The following ZHX2 variants were observed in gnomAD, a reference collection of about 807,000 sequenced individuals.
ZHX2 encodes the protein zinc fingers and homeoboxes protein 2.
ZHX2 carries 6 observed loss-of-function variants against 21.9 expected under a neutral mutation model. The observed-to-expected ratio is 0.27, with a 90% CI of 0.15 to 0.54. The LOEUF is 0.54. ZHX2 is among the 20% of genes least tolerant of loss of function. The probability of loss-of-function intolerance (pLI) is 0.95; values close to 1 mark genes in which losing one functional copy is unlikely to be tolerated. For missense variants in ZHX2, 908 were observed against 1,090.7 expected, an observed-to-expected ratio of 0.83 and a Z score of 2.36; for synonymous variants, 434 against 437.1, an observed-to-expected ratio of 0.99 and a Z score of 0.09.
chr8:122,829,187 A>G lies in ZHX2; in HGVS notation c.-282-34290A>G, dbSNP rs377052677. ...GATGGACAGATCAAGCAGCTTGCCT[A>G]AAGCCACACCGCTGGTAAATGGCTG... On this transcript the variant is annotated intron_variant, in intron 1 of 3. Transcript: ENST00000314393. Among the ~76,000 whole-genome samples, 8 of 152,366 alleles carry G rather than the reference A, an allele frequency of 5.3e-5. No homozygotes were observed. In the East Asian group the frequency reaches 1.3e-3, roughly 26 times the overall value.
intron 1 of ZHX2, among the ~76,000 whole-genome samples, chr8:122,848,647 GAGGAT>G (rs1175202598): frequency 6.6e-6 from 1 of 152,152 alleles, no homozygotes; most frequent in Non-Finnish European, 1.5e-5. Flanking sequence ...GGGGGTCAGG[GAGGAT>G]GTTTTGCCTG....
intron 2 of ZHX2, among the ~76,000 whole-genome samples, chr8:122,920,989 T>C (rs4871325): frequency 0.014 from 2,176 of 152,300 alleles, 51 homozygotes; most frequent in Admixed American, 0.057. Flanking sequence ...CGGTTTCAGA[T>C]TGAGTTTCCT....
At chr8:122,798,436 A>AT (rs1019280367) in intron 1 of ZHX2, among the ~76,000 whole-genome samples, 9 of 152,104 alleles carry the variant, frequency 5.9e-5, no homozygotes, top group Admixed American at 5.9e-4. Flanking sequence ...CTGCCAGGGA[A>AT]TGGTGGTGCG....
At chr8:122,830,504 G>A (rs1477477028) in intron 1 of ZHX2, among the ~76,000 whole-genome samples, 1 of 152,168 alleles carries the variant, frequency 6.6e-6, no homozygotes, top group Non-Finnish European at 1.5e-5. Context: ...CTTCAGGCGG[G>A]ACATAGGGGG....
chr8:122,847,449 C>T lies in ZHX2; in HGVS notation c.-282-16028C>T, dbSNP rs151302381. ...TCTCCAATTGGGAGCACCCCGGGCC[C>T]TGATGACAGGCACGTCATGTCATTG... On this transcript the variant is annotated intron_variant, in intron 1 of 3. Transcript: ENST00000314393. Among the ~76,000 whole-genome samples, 555 of 152,332 alleles carry T rather than the reference C, an allele frequency of 3.6e-3. 1 individual carries two copies. Among genetic ancestry groups the T allele is most frequent in the Non-Finnish European group, 6.3e-3 (428 of 68,026 alleles).
chr8:122,842,103 C>T (rs550127711), intron 1 of ZHX2, among the ~76,000 whole-genome samples: 25 of 152,338 alleles, frequency 1.6e-4, no homozygotes, highest in African/African-American at 5.5e-4. Flanking sequence ...GAAGCGAGAC[C>T]TATAGCTCAA....
chr8:122,971,444 T>C (rs1813717511), intron 3 of ZHX2, among the ~76,000 whole-genome samples: 1 of 151,786 alleles, frequency 6.6e-6, no homozygotes, highest in African/African-American at 2.4e-5. Context: ...CTGCAGACTT[T>C]TCTTTTATAA....
intron 2 of ZHX2, among the ~76,000 whole-genome samples, chr8:122,899,908 A>G (rs1820186543): frequency 6.6e-6 from 1 of 152,250 alleles, no homozygotes; most frequent in Admixed American, 6.5e-5. Context: ...CTTTGTAGCA[A>G]GGTGGGCTGT....
rs535237466 is a variant in ZHX2, at chr8:122,810,204, G to A, written c.-283+28258G>A. Among the ~76,000 whole-genome samples the A allele has an allele frequency of 2.1e-3, 313 of 152,332 alleles. 3 individuals carry two copies. Among genetic ancestry groups the A allele is most frequent in the Non-Finnish European group, 4.4e-4 (30 of 68,030 alleles). ...GTGTGCAGGCTTAAGAACTGGCACA[G>A]CCACTTATGAGCTGCAGTGACACAT... On this transcript the variant is annotated intron_variant, in intron 1 of 3. Transcript: ENST00000314393.
intron 1 of ZHX2, among the ~76,000 whole-genome samples, chr8:122,825,659 C>A (rs1440623665): frequency 6.6e-6 from 1 of 152,130 alleles, no homozygotes; most frequent in Non-Finnish European, 1.5e-5. Context: ...CCCTTCTTAC[C>A]AACAAGAAGT....
At chr8:122,875,773 G>T (rs998554810) in intron 2 of ZHX2, among the ~76,000 whole-genome samples, 18 of 152,256 alleles carry the variant, frequency 1.2e-4, no homozygotes, top group African/African-American at 4.3e-4. Context: ...ACAGAACCAG[G>T]ATTGGAACGT....
At chr8:122,830,528 T>C (rs530186478) in intron 1 of ZHX2, among the ~76,000 whole-genome samples, 20 of 152,250 alleles carry the variant, frequency 1.3e-4, no homozygotes, top group Non-Finnish European at 2.2e-4. Context: ...TGTGGGCACG[T>C]TGGAAAAAGA....
At chr8:122,811,916 G>C (rs936368302) in intron 1 of ZHX2, 1 of 152,052 alleles carries the variant, frequency 6.6e-6, no homozygotes, top group Non-Finnish European at 1.5e-5. Flanking sequence ...TTTTGTACCT[G>C]GTTCTCTTCT....
chr8:122,924,131 T>C (rs1563586106), intron 2 of ZHX2, among the ~76,000 whole-genome samples: 1 of 152,118 alleles, frequency 6.6e-6, no homozygotes, highest in Non-Finnish European at 1.5e-5. Flanking sequence ...ACAAACTGGG[T>C]AGCTTGGGAG....
chr8:122,786,575 A>G lies in ZHX2; in HGVS notation c.-283+4629A>G, dbSNP rs565183889. ...ACACCTCACATGTGAACTGTGCTCA[A>G]CAAATCACCGTCATCACTGCAACCA... On this transcript the variant is annotated intron_variant, in intron 1 of 3. Coordinates refer to ENST00000314393, the MANE Select transcript of ZHX2 (RefSeq NM_014943.5). Among the ~76,000 whole-genome samples, 3 of 152,324 alleles carry G rather than the reference A, an allele frequency of 2.0e-5. No individual in the cohort carries two copies. The East Asian group carries it at 5.8e-4, about 29-fold the overall frequency.
intron 3 of ZHX2, among the ~76,000 whole-genome samples, chr8:122,959,692 G>A (rs893852393): frequency 3.3e-5 from 5 of 152,168 alleles, no homozygotes; most frequent in Admixed American, 3.3e-4. Context: ...ATTGGATACA[G>A]TTTGCTTCCT....
At chr8:122,954,845 CT>C (rs574301760) in intron 3 of ZHX2, among the ~76,000 whole-genome samples, 12,181 of 145,800 alleles carry the variant, frequency 0.084, 561 homozygotes, top group Middle Eastern at 0.12. Context: ...GAGGTTGTTT[CT>C]TTTTTTTTTT....
chr8:122,865,656 C>T (rs2129646054), intron 2 of ZHX2, among the ~76,000 whole-genome samples: 1 of 152,302 alleles, frequency 6.6e-6, no homozygotes, highest in South Asian at 2.1e-4. Context: ...GCATCAGTCT[C>T]CTCCTAAGAT....
chr8:122,909,949 C>T (rs1301101080), intron 2 of ZHX2, among the ~76,000 whole-genome samples: 1 of 152,166 alleles, frequency 6.6e-6, no homozygotes, highest in African/African-American at 2.4e-5. Context: ...CAGCTTACCT[C>T]TCACTGGAAG....
Sources: allele counts gnomAD v4.1 joint callset (sites outside exome capture counted in the v4.1 genomes callset), GRCh38; gene constraint gnomAD v4.1.1; transcripts MANE v1.5; gene names NCBI Gene and HGNC (gene_info 2026-07-23, HGNC 2026-07-21).